The following WDR12 variants were observed in gnomAD, a reference collection of about 807,000 sequenced individuals.
WDR12 encodes WD repeat domain 12, also known as ribosome biogenesis protein WDR12.
A neutral mutation model predicts 64.3 loss-of-function variants in WDR12; 42 were observed. The observed-to-expected ratio is 0.65, with a 90% CI of 0.51 to 0.84. The LOEUF is 0.84. WDR12 is among the 40% of genes least tolerant of loss of function. The pLI, the probability that WDR12 is intolerant of heterozygous loss-of-function variation, is 0.00. For missense variants in WDR12, 469 were observed against 494.6 expected (o/e 0.95, Z 0.49); for synonymous variants, 158 against 173.3 (o/e 0.91, Z 0.70).
rs1687872776 is a variant in WDR12, at chr2:202,877,141, CCAT to C, written c.*3716_*3718del. 1 of 148,330 alleles carries C rather than the reference CCAT, an allele frequency of 6.7e-6. No individual in the cohort carries two copies. Among genetic ancestry groups the C allele is most frequent in the Non-Finnish European group, 1.5e-5 (1 of 67,370 alleles). 9.2% of individuals were successfully genotyped at this position (148,330 alleles called of 1,614,324 possible). A position where few individuals can be genotyped will look rare whatever the true frequency, so the allele number is the denominator to read the frequency against. ...TTTTTTTTTTGCAGGGTTGCTTGTT[CCAT>C]TATATGCATTTTATATCAATTTAAA... On this transcript the variant is annotated 3_prime_UTR_variant, in exon 13 of 13. Coordinates refer to ENST00000261015, the MANE Select transcript of WDR12 (RefSeq NM_018256.4).
Position 202,911,432 on chromosome 2 carries a change from TTAC to T in WDR12, c.41+1_41+3del. ...AGGGAGAGAAGGCTGGAACGCTTAC[TTAC>T]TTCTTGTTATCAGTGTAGAAGCGTG... On this transcript the variant is annotated splice_donor_variant and splice_donor_region_variant and intron_variant, in intron 1 of 12. Coordinates refer to ENST00000261015, the MANE Select transcript of WDR12 (RefSeq NM_018256.4). LOFTEE classifies it high-confidence loss of function. 1 of 1,614,072 alleles carries T rather than the reference TTAC, an allele frequency of 6.2e-7. No individual in the cohort carries two copies. The highest frequency in any genetic ancestry group is 8.5e-7 in the Non-Finnish European group (1 of 1,179,952).
At chr2:202,894,202 T>A (rs540570759) in intron 7 of WDR12, among the ~76,000 whole-genome samples, 1 of 145,054 alleles carries the variant, frequency 6.9e-6, no homozygotes, top group Non-Finnish European at 1.5e-5. Flanking sequence ...GGTTAAAAAG[T>A]CCCCTTTCAC....
chr2:202,883,739 C>T lies in WDR12; in HGVS notation c.991G>A (p.Gly331Ser). Residue 331 changes from glycine to serine, a missense_variant and splice_region_variant, in exon 11 of 13, where the codon GGT (glycine) becomes AGT (serine). Transcript: ENST00000261015. The part of the protein sequence containing the change: ...IRLWDPRTKD[G>S]SLVSLSLTSH... ...GTTAGGGACAGCGACACCAAAGAAC[C>T]ATCTGAACAAAGCAAAAAAGACAAG... 1.2e-6 allele frequency: 2 copies of T among 1,612,568 alleles called. No homozygotes were observed. Among genetic ancestry groups the T allele is most frequent in the Non-Finnish European group, 1.7e-6 (2 of 1,179,616 alleles).
intron 8 of WDR12, among the ~76,000 whole-genome samples, chr2:202,885,397 T>C (rs879762135): frequency 1.3e-5 from 2 of 152,182 alleles, no homozygotes; most frequent in African/African-American, 4.8e-5. Flanking sequence ...CACACTTCTA[T>C]TCCTGGTGCC....
At chr2:202,901,148 C>T (rs1289469519) in intron 2 of WDR12, 29 bp from the exon 3 acceptor site, 1 of 1,538,888 alleles carries the variant, frequency 6.5e-7, no homozygotes, top group African/African-American at 1.4e-5. Flanking sequence ...AAAATTATCA[C>T]TCTTAGTGTC....
chr2:202,891,014 A>AG (rs1489150322), intron 8 of WDR12, among the ~76,000 whole-genome samples: 10 of 150,600 alleles, frequency 6.6e-5, no homozygotes, highest in African/African-American at 1.7e-4. Context: ...AAAAAAAAAA[A>AG]AAAGAGAATA....
At chr2:202,911,324 G>T in intron 1 of WDR12, 112 bp downstream of exon 1, 1 of 1,069,706 alleles carries the variant, frequency 9.3e-7, no homozygotes, top group Non-Finnish European at 1.4e-6. Flanking sequence ...GGTAATCTCA[G>T]AAAAAAGGGT....
intron 1 of WDR12, among the ~76,000 whole-genome samples, chr2:202,910,248 C>T (rs955279314): frequency 4.6e-5 from 7 of 152,100 alleles, no homozygotes; most frequent in Non-Finnish European, 4.4e-5. Flanking sequence ...CAAGGCTGGA[C>T]GCAGTGGGTC....
Position 202,884,407 on chromosome 2 carries a change from A to T in WDR12, c.870T>A (p.Leu290=). 2.5e-6 allele frequency: 4 copies of T among 1,614,114 alleles called. No homozygotes were observed. The highest frequency in any genetic ancestry group is 3.4e-6 in the Non-Finnish European group (4 of 1,180,032). Residue 290 remains leucine, a synonymous_variant, in exon 9 of 13, where the codon CTT becomes CTA. Transcript: ENST00000261015. The part of the protein sequence containing the change: ...IRVWDVESGS[L]KSTLTGNKVF... ...GAATTTGTCTTACCAAAGTTGACTT[A>T]AGACTGCCAGACTCAACATCCCACA...
chr2:202,894,692 T>C, intron 6 of WDR12, 66 bp from the exon 7 acceptor site: 1 of 1,367,658 alleles, frequency 7.3e-7, no homozygotes, highest in Non-Finnish European at 1.0e-6. Context: ...CCTACAACAG[T>C]AGGTCTCTTC....
intron 1 of WDR12, among the ~76,000 whole-genome samples, chr2:202,909,985 C>T (rs558558278): frequency 1.6e-4 from 24 of 151,902 alleles, no homozygotes; most frequent in Non-Finnish European, 2.8e-4. Context: ...TTGGTAGAGA[C>T]GGGGTTTCAT....
rs1186896642 is a variant in WDR12, at chr2:202,907,893, G to C, written c.108C>G (p.Ile36Met). Residue 36 changes from isoleucine (I) to methionine (M), a missense_variant, in exon 2 of 13, where the codon ATC (isoleucine) becomes ATG (methionine). Coordinates refer to ENST00000261015, the MANE Select transcript of WDR12 (RefSeq NM_018256.4). The stretch of plus-strand genomic sequence containing the variant: ...TTTTGTCCTTTAGTAGTTTATTGAT[G>C]ATGTTACTAAGGTCGGCAATTTCAG... Reference protein sequence around the residue: ...AASEIADLSNIINKLLKDKNE... With the variant: ...AASEIADLSNMINKLLKDKNE... The C allele has an allele frequency of 6.2e-7, 1 of 1,613,832 alleles. No homozygotes were observed. The highest frequency in any genetic ancestry group is 1.3e-5 in the African/African-American group (1 of 74,904).
chr2:202,895,924 T>C (rs1688234034), intron 6 of WDR12, 141 bp downstream of exon 6: 2 of 921,250 alleles, frequency 2.2e-6, no homozygotes, highest in East Asian at 2.6e-5. Context: ...TATGAGTATT[T>C]ACTCTTGCTT....
intron 10 of WDR12, among the ~76,000 whole-genome samples, chr2:202,883,964 C>T (rs1379484675): frequency 6.6e-6 from 1 of 152,136 alleles, no homozygotes; most frequent in Non-Finnish European, 1.5e-5. Flanking sequence ...AGGCACGCGC[C>T]ACCACACCCA....
At chr2:202,887,295 G>A (rs540028822) in intron 8 of WDR12, among the ~76,000 whole-genome samples, 13,538 of 51,404 alleles carry the variant, frequency 0.26, 743 homozygotes, top group Non-Finnish European at 0.39. Flanking sequence ...GAGTGCTGGG[G>A]TTACAGGTGC....
chr2:202,895,880 G>C, intron 6 of WDR12, 185 bp downstream of exon 6: 1 of 618,180 alleles, frequency 1.6e-6, no homozygotes, highest in Non-Finnish European at 2.6e-6. Flanking sequence ...TCTAAACCAG[G>C]GATTCAAACT....
chr2:202,883,663 T>A lies in WDR12; in HGVS notation c.1067A>T (p.Gln356Leu), dbSNP rs549824955. 1 of 1,614,184 alleles carries A rather than the reference T, an allele frequency of 6.2e-7. No individual in the cohort carries two copies. The highest frequency in any genetic ancestry group is 1.3e-5 in the African/African-American group (1 of 75,066). The change falls in exon 11 of 13, where the codon CAG (glutamine) becomes CTG (leucine). Residue 356 changes from glutamine to leucine, a missense_variant. Coordinates refer to ENST00000261015, the MANE Select transcript of WDR12 (RefSeq NM_018256.4). Reference protein sequence around the residue: ...TSVKWSPTHEQQLISGSLDNI... With the variant: ...TSVKWSPTHELQLISGSLDNI... ...ATCTAAAGATCCTGAAATCAGCTGCTGTTCATGGGTAGGAGACCATTTTAC... is the reference window on the plus strand; with the variant it reads ...ATCTAAAGATCCTGAAATCAGCTGCAGTTCATGGGTAGGAGACCATTTTAC...
chr2:202,882,766 T>G lies in WDR12; in HGVS notation c.1139A>C (p.Tyr380Ser). The change falls in exon 12 of 13, where the codon TAT (tyrosine) becomes TCT (serine). Residue 380 changes from tyrosine to serine, a missense_variant. Coordinates refer to ENST00000261015, the MANE Select transcript of WDR12 (RefSeq NM_018256.4). ...WDTRSCKAPL[Y>S]DLAAHEDKVL... is the part of the protein sequence containing the mutation. ...TTTGTCTTCATGAGCAGCCAGATCATAGAGAGGAGCCTTACAACTAAAAGA... is the reference window on the plus strand; with the variant it reads ...TTTGTCTTCATGAGCAGCCAGATCAGAGAGAGGAGCCTTACAACTAAAAGA... The G allele has an allele frequency of 2.5e-6, 4 of 1,614,098 alleles. No homozygotes were observed. Among genetic ancestry groups the G allele is most frequent in the Non-Finnish European group, 3.4e-6 (4 of 1,179,924 alleles).
At chr2:202,904,138 C>CAAAA (rs34378996) in intron 2 of WDR12, among the ~76,000 whole-genome samples, 166 of 38,528 alleles carry the variant, frequency 4.3e-3, no homozygotes, top group Non-Finnish European at 5.0e-3. Context: ...AACTCTGTCT[C>CAAAA]AAAAAAAAAA....
Sources: gnomAD v4.1 joint callset for allele counts (sites outside exome capture counted in the v4.1 genomes callset) on GRCh38, gnomAD v4.1.1 for gene constraint, MANE v1.5 for transcripts, NCBI Gene and HGNC (gene_info 2026-07-23, HGNC 2026-07-21) for gene names.